The following NME7 variants were observed in gnomAD, a reference collection of about 807,000 sequenced individuals.
NME7 encodes NME/NM23 family member 7, also known as nucleoside diphosphate kinase 7.
NME7 carries 41 observed loss-of-function variants against 49.1 expected under a neutral mutation model. The observed-to-expected ratio is 0.83, with a 90% CI of 0.65 to 1.08. The LOEUF (loss-of-function observed/expected upper bound fraction) is 1.08. Among genes scored for constraint, NME7 ranks in the 50% least tolerant of loss-of-function variants. The probability of loss-of-function intolerance (pLI) is 0.00; values close to 1 mark genes in which losing one functional copy is unlikely to be tolerated. For missense variants in NME7, 423 were observed against 463.4 expected (o/e 0.91, Z 0.80); for synonymous variants, 139 against 150.6 (o/e 0.92, Z 0.56).
intron 11 of NME7, among the ~76,000 whole-genome samples, chr1:169,149,830 C>G (rs974258695): frequency 1.3e-5 from 2 of 152,124 alleles, no homozygotes; most frequent in African/African-American, 4.8e-5. Context: ...TTTTGAACTA[C>G]AGTTGATTGA....
chr1:169,279,554 G>T (rs1295444182), intron 7 of NME7, among the ~76,000 whole-genome samples: 1 of 152,186 alleles, frequency 6.6e-6, no homozygotes, highest in Admixed American at 6.5e-5. Context: ...CACAGTATTT[G>T]GGTGGGAGTG....
intron 10 of NME7, among the ~76,000 whole-genome samples, chr1:169,195,348 A>T (rs1360542914): frequency 6.6e-6 from 1 of 152,150 alleles, no homozygotes; most frequent in Non-Finnish European, 1.5e-5. Flanking sequence ...AGTCGCTGGG[A>T]CTACAGGCAT....
At chr1:169,298,070 A>G (rs1282588095) in intron 6 of NME7, among the ~76,000 whole-genome samples, 1 of 152,238 alleles carries the variant, frequency 6.6e-6, no homozygotes, top group African/African-American at 2.4e-5. Context: ...CTCAGTATAA[A>G]TCCAATAAAT....
chr1:169,135,014 C>CAAAAAAAAAAAAAAAAAAAAA (rs58463903), intron 11 of NME7, among the ~76,000 whole-genome samples: 4 of 50,390 alleles, frequency 7.9e-5, no homozygotes, highest in African/African-American at 2.9e-4. Flanking sequence ...CCCGTCTCTA[C>CAAAAAAAAAAAAAAAAAAAAA]AAAAAAAAAA....
intron 11 of NME7, among the ~76,000 whole-genome samples, chr1:169,138,304 C>CCTT (rs34627071): frequency 0.11 from 17,022 of 151,462 alleles, 2,171 homozygotes; most frequent in East Asian, 0.73. Context: ...GGGCGAGACT[C>CCTT]CTCAAAAAAA....
At chr1:169,188,583 C>T (rs1045518992) in intron 10 of NME7, among the ~76,000 whole-genome samples, 1 of 152,202 alleles carries the variant, frequency 6.6e-6, no homozygotes, top group African/African-American at 2.4e-5. Flanking sequence ...TGCATGTGGA[C>T]ATACAATAAC....
intron 7 of NME7, among the ~76,000 whole-genome samples, chr1:169,258,900 C>T (rs1024512093): frequency 2.3e-5 from 3 of 132,544 alleles, no homozygotes; most frequent in Non-Finnish European, 3.5e-5. Flanking sequence ...ACCAGATATT[C>T]CAAATCAGAT....
chr1:169,186,671 G>A (rs1373913867), intron 10 of NME7, among the ~76,000 whole-genome samples: 2 of 151,854 alleles, frequency 1.3e-5, no homozygotes, highest in South Asian at 2.1e-4. Context: ...TATTAGTCTG[G>A]CTAGCAGTCT....
At chr1:169,251,379 G>A (rs1029583143) in intron 7 of NME7, among the ~76,000 whole-genome samples, 2 of 151,718 alleles carry the variant, frequency 1.3e-5, no homozygotes, top group Admixed American at 1.3e-4. Flanking sequence ...TATGTATTAG[G>A]TGAGTCTCTT....
chr1:169,283,571 C>T (rs1365248120), intron 7 of NME7, among the ~76,000 whole-genome samples: 19 of 152,112 alleles, frequency 1.2e-4, no homozygotes, highest in Non-Finnish European at 2.1e-4. Context: ...TATGTTTTTG[C>T]AGTGGCTGGT....
chr1:169,171,783 A>G (rs1375717190), intron 10 of NME7, among the ~76,000 whole-genome samples: 1 of 151,544 alleles, frequency 6.6e-6, no homozygotes, highest in Non-Finnish European at 1.5e-5. Context: ...AACAACAACA[A>G]AAATGGTTGG....
At chr1:169,258,387 TATATATATATATATATATACAC>T (rs1373738536) in intron 7 of NME7, among the ~76,000 whole-genome samples, 704 of 63,514 alleles carry the variant, frequency 0.011, 77 homozygotes, top group African/African-American at 0.033. Flanking sequence ...TATATATATA[TATATATATATATATATATACAC>T]ACACACACAC....
chr1:169,160,522 T>TATA (rs1659213523), intron 11 of NME7, among the ~76,000 whole-genome samples: 2 of 152,258 alleles, frequency 1.3e-5, no homozygotes, highest in Admixed American at 1.3e-4. Flanking sequence ...GTATATATTA[T>TATA]ATAATACTCC....
Position 169,275,348 on chromosome 1 carries a change from G to A in NME7, c.754+11955C>T, listed in dbSNP as rs557665984. ...ACAAAAATTAGCCGGGCATGGTGGC[G>A]CGTGCCTGTAGTCCCAGCTACACAG... is the stretch of plus-strand genomic sequence containing the variant. On this transcript the variant is annotated intron_variant, in intron 7 of 11. Transcript: ENST00000367811. Among the ~76,000 whole-genome samples the A allele has an allele frequency of 3.6e-4, 47 of 128,772 alleles. 15 individuals are homozygous for A. The highest frequency in any genetic ancestry group is 7.3e-4 in the Non-Finnish European group (40 of 55,130). The allele number at this position is 128,772 out of a possible 152,430, so 84.5% of individuals were successfully genotyped here. A position where few individuals can be genotyped will look rare whatever the true frequency, so the allele number is the denominator to read the frequency against.
chr1:169,200,285 TA>T (rs1472495819), intron 10 of NME7, among the ~76,000 whole-genome samples: 2 of 152,108 alleles, frequency 1.3e-5, no homozygotes, highest in Non-Finnish European at 2.9e-5. Flanking sequence ...AATTAAGAGA[TA>T]AGCAATTATT....
intron 1 of NME7, among the ~76,000 whole-genome samples, chr1:169,361,761 G>A (rs537294783): frequency 4.1e-5 from 6 of 147,472 alleles, no homozygotes; most frequent in Non-Finnish European, 6.0e-5. Flanking sequence ...CAGCCGGGTC[G>A]ACAGAACAAA....
chr1:169,319,504 C>A (rs1020585027), intron 3 of NME7, among the ~76,000 whole-genome samples: 1 of 152,160 alleles, frequency 6.6e-6, no homozygotes, highest in Non-Finnish European at 1.5e-5. Context: ...GAGAAGTATT[C>A]TTAAGCCCCT....
chr1:169,282,286 G>T (rs955738541), intron 7 of NME7, among the ~76,000 whole-genome samples: 3 of 152,192 alleles, frequency 2.0e-5, no homozygotes, highest in African/African-American at 7.2e-5. Flanking sequence ...TACAGGATCA[G>T]TGGTGATATC....
intron 7 of NME7, among the ~76,000 whole-genome samples, chr1:169,243,864 A>G (rs2101836168): frequency 6.6e-6 from 1 of 152,260 alleles, no homozygotes; most frequent in South Asian, 2.1e-4. Context: ...TTCATTTTAT[A>G]GATGTTGAGT....
Sources: gnomAD v4.1 joint callset for allele counts (sites outside exome capture counted in the v4.1 genomes callset) on GRCh38, gnomAD v4.1.1 for gene constraint, MANE v1.5 for transcripts, NCBI Gene and HGNC (gene_info 2026-07-23, HGNC 2026-07-21) for gene names.